FAT2: variants seen among roughly 807,000 people sequenced by gnomAD.
The protein encoded by FAT2 is FAT atypical cadherin 2.
In FAT2, 150 loss-of-function variants were observed where a neutral mutation model predicts 295.3. The ratio of observed to expected loss-of-function variants is 0.51; its 90% CI spans 0.44 to 0.58. FAT2 has a LOEUF of 0.58. FAT2 is among the 20% of genes least tolerant of loss of function. The pLI is 0.00. For synonymous variants in FAT2, 2,026 were observed against 2,150.3 expected (o/e 0.94, Z 1.60); for missense variants, 4,868 against 5,442.7 (o/e 0.89, Z 3.32).
At chr5:151,540,293 G>A (rs1164853635) in intron 11 of FAT2, among the ~76,000 whole-genome samples, 2 of 152,134 alleles carry the variant, frequency 1.3e-5, no homozygotes, top group African/African-American at 2.4e-5. Flanking sequence ...GGAGAAGCAA[G>A]AGAGGTGAGG....
rs2127602222 is a variant in FAT2, at chr5:151,540,582, G to A, written c.9024C>T (p.Ser3008=). The A allele has an allele frequency of 1.9e-6, 3 of 1,613,480 alleles. No individual in the cohort carries two copies. The highest frequency in any genetic ancestry group is 2.5e-6 in the Non-Finnish European group (3 of 1,179,742). ...EIFVLDVNDN[S]PQCSQLLYTG... ...AGGCTCTCACCTGTGAACACTGTGGGCTGTTATCATTGACGTCCAGGACAA... is the reference window on the plus strand; with the variant it reads ...AGGCTCTCACCTGTGAACACTGTGGACTGTTATCATTGACGTCCAGGACAA... The change falls in exon 11 of 24, where the codon AGC becomes AGT. Residue 3008 remains serine (S), a synonymous_variant. Coordinates refer to ENST00000261800, the MANE Select transcript of FAT2 (RefSeq NM_001447.3).
chr5:151,552,432 C>T (rs1045755538), intron 6 of FAT2, among the ~76,000 whole-genome samples: 3 of 152,200 alleles, frequency 2.0e-5, no homozygotes, highest in African/African-American at 4.8e-5. Flanking sequence ...TCCTATCCTA[C>T]TCTTAGCCAG....
At chr5:151,508,445 C>T (rs1248405791) in intron 22 of FAT2, among the ~76,000 whole-genome samples, 1 of 152,178 alleles carries the variant, frequency 6.6e-6, no homozygotes, top group African/African-American at 2.4e-5. Context: ...CGCAGTGGCT[C>T]ATGCCTGTAA....
intron 22 of FAT2, 32 bp downstream of exon 22, chr5:151,509,989 A>G: frequency 6.2e-7 from 1 of 1,607,464 alleles, no homozygotes; most frequent in African/African-American, 1.4e-5. Context: ...CCTAACAAGG[A>G]GCCCATGGCA....
chr5:151,561,516 G>A (rs1033861592), intron 3 of FAT2, among the ~76,000 whole-genome samples: 3 of 152,120 alleles, frequency 2.0e-5, no homozygotes, highest in Middle Eastern at 3.2e-3. Context: ...TCAGCCTTCT[G>A]AATAGCTGAG....
chr5:151,525,063 C>T (rs1160193422), intron 18 of FAT2, among the ~76,000 whole-genome samples: 1 of 152,244 alleles, frequency 6.6e-6, no homozygotes, highest in Non-Finnish European at 1.5e-5. Flanking sequence ...TTCCTAGCAG[C>T]TTGCAAATGG....
chr5:151,522,732 A>G (rs1384440403), intron 18 of FAT2, among the ~76,000 whole-genome samples: 2 of 152,222 alleles, frequency 1.3e-5, no homozygotes, highest in Non-Finnish European at 2.9e-5. Flanking sequence ...TGAGAAGAAG[A>G]GGCGACAGAC....
rs146981267 is a variant in FAT2, at chr5:151,535,507, C to T, written c.9194-865G>A. ...ACAGGGCGGTTCCTGGAGGGTGGTGCGCCCAGGGAGGACATGGGAGCCCCT... is the reference window on the plus strand; with the variant it reads ...ACAGGGCGGTTCCTGGAGGGTGGTGTGCCCAGGGAGGACATGGGAGCCCCT... On this transcript the variant is annotated intron_variant, in intron 12 of 23. Transcript: ENST00000261800. Among the ~76,000 whole-genome samples, 896 of 152,210 alleles carry T rather than the reference C, an allele frequency of 5.9e-3. 20 individuals carry two copies. Among genetic ancestry groups the T allele is most frequent in the Admixed American group, 0.038 (582 of 15,278 alleles).
chr5:151,546,481 A>G (rs1178980653), intron 9 of FAT2, 144 bp from the exon 10 acceptor site: 7 of 599,270 alleles, frequency 1.2e-5, no homozygotes, highest in African/African-American at 9.3e-5. Flanking sequence ...GATATAGTGT[A>G]TAGAGTAGAT....
chr5:151,565,941 C>T lies in FAT2; in HGVS notation c.2991G>A (p.Leu997=), dbSNP rs1181345263. Residue 997 remains leucine (L), a synonymous_variant, in exon 2 of 24, where the codon CTG becomes CTA. Coordinates refer to ENST00000261800, the MANE Select transcript of FAT2 (RefSeq NM_001447.3). ...LDFERRAGYN[L]SLWASDGGRP... ...TCCCACCATCACTGGCCCACAGGCT[C>T]AGATTGTACCCAGCTCGCCTCTCAA... 4 of 1,613,976 alleles carry T rather than the reference C, an allele frequency of 2.5e-6. No individual in the cohort carries two copies.
rs1386009196 is a variant in FAT2 at position 151,544,949 on chromosome 5, T to C, written c.6178A>G (p.Ile2060Val). ...RVAQGLVRVS[I>V]EDVNDNPPKF... ...GGGGGATTGTCATTGACATCCTCAA[T>C]AGAGACTCTGACCAAACCCTGAGCC... Residue 2060 changes from isoleucine (I) to valine (V), a missense_variant, in exon 10 of 24, where the codon ATT (isoleucine) becomes GTT (valine). Ile to Val is a conservative substitution (Grantham distance 29). Coordinates refer to ENST00000261800, the MANE Select transcript of FAT2 (RefSeq NM_001447.3). 5.6e-6 allele frequency: 9 copies of C among 1,614,082 alleles called. No homozygotes were observed. The highest frequency in any genetic ancestry group is 2.7e-5 in the African/African-American group (2 of 74,924).
rs767266443 is a variant in FAT2, at chr5:151,506,117, T to C, written c.12518-20A>G. On this transcript the variant is annotated intron_variant, in intron 23 of 23. Transcript: ENST00000261800. ...GGTACACTGAAAGGGAACAGCAAGA[T>C]AGGGTGAGCTCATTTTCTCCCCGGA... 2.0e-6 allele frequency: 3 copies of C among 1,497,464 alleles called. No homozygotes were observed. The South Asian group carries it at 4.1e-5, about 21-fold the overall frequency. 92.8% of individuals were successfully genotyped at this position (1,497,464 alleles called of 1,614,324 possible).
Position 151,521,290 on chromosome 5 carries a change from C to A in FAT2, c.11303G>T (p.Ser3768Ile). The A allele has an allele frequency of 6.2e-7, 1 of 1,608,412 alleles. No homozygotes were observed. Among genetic ancestry groups the A allele is most frequent in the Non-Finnish European group, 8.5e-7 (1 of 1,175,966 alleles). ...GTAGTACTTACCATTGCAGGAGCAG[C>A]TCCTCTGCAGGTGGTGCCGCGGGGT... ...ILTPRHHLQR[S>I]CSCNGTATRF... Residue 3768 changes from serine (S) to isoleucine (I), a missense_variant, in exon 19 of 24, where the codon AGC becomes ATC. Physicochemically the swap from Ser to Ile is moderately radical, Grantham distance 142. This residue lies in a region of FAT2 where 1,046 missense variants were observed against 1,210.1 expected (regional missense o/e 0.86). Coordinates refer to ENST00000261800, the MANE Select transcript of FAT2 (RefSeq NM_001447.3).
chr5:151,592,239 C>T (rs1371397243), upstream of FAT2, among the ~76,000 whole-genome samples: 1 of 152,184 alleles, frequency 6.6e-6, no homozygotes, highest in South Asian at 2.1e-4. Context: ...GATTAGCACT[C>T]CTCTCCCCTG....
intron 1 of FAT2, among the ~76,000 whole-genome samples, chr5:151,583,560 A>C (rs1759047436): frequency 6.6e-6 from 1 of 152,330 alleles, no homozygotes; most frequent in East Asian, 1.9e-4. Context: ...TGAGTGACTG[A>C]AAAGGGTACA....
intron 1 of FAT2, among the ~76,000 whole-genome samples, chr5:151,587,819 G>A (rs1360825488): frequency 6.6e-6 from 1 of 152,196 alleles, no homozygotes; most frequent in East Asian, 1.9e-4. Flanking sequence ...TCTCCACACT[G>A]AAAACAATGA....
At chr5:151,539,905 G>T (rs1006195411) in intron 11 of FAT2, among the ~76,000 whole-genome samples, 1 of 152,176 alleles carries the variant, frequency 6.6e-6, no homozygotes, top group Non-Finnish European at 1.5e-5. Context: ...CCTGTCTCGT[G>T]TTTGTGTCTC....
In FAT2 at chr5:151,568,486, G is replaced by T; in HGVS notation, c.446C>A (p.Ser149Tyr). The change falls in exon 2 of 24, where the codon TCT (serine) becomes TAT (tyrosine). Residue 149 changes from serine (S) to tyrosine (Y), a missense_variant. Transcript: ENST00000261800. ...LDQNDLKPLF[S>Y]PPSYRVTISE... is the part of the protein sequence containing the mutation. ...GATGGTGACTCTGTACGAAGGTGGAGAGAAGAGAGGCTTCAGGTCATTCTG... is the reference window on the plus strand; with the variant it reads ...GATGGTGACTCTGTACGAAGGTGGATAGAAGAGAGGCTTCAGGTCATTCTG... 1.2e-6 allele frequency: 2 copies of T among 1,614,176 alleles called. No individual in the cohort carries two copies. The highest frequency in any genetic ancestry group is 1.7e-6 in the Non-Finnish European group (2 of 1,180,040).
In FAT2 at chr5:151,542,273, A is replaced by G; in HGVS notation, c.8842+12T>C. On this transcript the variant is annotated intron_variant, in intron 10 of 23. Transcript: ENST00000261800. ...CATTCCAGAGCCTGCAGTCCATGAC[A>G]GGTGTTCTTACCTGTGATGTAGCAG... is the stretch of plus-strand genomic sequence containing the variant. The G allele has an allele frequency of 6.3e-7, 1 of 1,574,886 alleles. No homozygotes were observed. Among genetic ancestry groups the G allele is most frequent in the Non-Finnish European group, 8.6e-7 (1 of 1,161,230 alleles).
Sources: gnomAD v4.1 joint callset for allele counts (sites outside exome capture counted in the v4.1 genomes callset) on GRCh38, gnomAD v4.1.1 for gene constraint, gnomAD v4.1.1 regional missense constraint, MANE v1.5 for transcripts, NCBI Gene and HGNC (gene_info 2026-07-23, HGNC 2026-07-21) for gene names.